Variants in PRKG1 observed in about 807,000 individuals in gnomAD.
PRKG1 encodes the protein cGMP-dependent protein kinase 1.
Under a neutral mutation model 88.1 loss-of-function variants are expected in PRKG1, and 35 were observed. That is an observed-to-expected ratio of 0.40 (90% CI 0.30 to 0.53). The LOEUF is 0.53. PRKG1 is among the 20% of genes least tolerant of loss of function. The pLI, the probability that PRKG1 is intolerant of heterozygous loss-of-function variation, is 0.59. For missense variants in PRKG1, 540 were observed against 839.8 expected (o/e 0.64, Z 4.41); for synonymous variants, 303 against 292.5 (o/e 1.04, Z -0.37).
At chr10:51,246,049 G>A (rs1839280948) in intron 2 of PRKG1, among the ~76,000 whole-genome samples, 1 of 152,024 alleles carries the variant, frequency 6.6e-6, no homozygotes, top group African/African-American at 2.4e-5. Context: ...TGTATTATTA[G>A]GCTATAGAGA....
chr10:51,084,190 AT>A (rs879299228), intron 1 of PRKG1, among the ~76,000 whole-genome samples: 1 of 152,192 alleles, frequency 6.6e-6, no homozygotes, highest in Non-Finnish European at 1.5e-5. Flanking sequence ...TTCATTATGA[AT>A]CCAGCTTCAT....
At chr10:51,112,070 A>T (rs1431952376) in intron 1 of PRKG1, among the ~76,000 whole-genome samples, 1 of 152,110 alleles carries the variant, frequency 6.6e-6, no homozygotes, top group Non-Finnish European at 1.5e-5. Flanking sequence ...GTACAGTAGT[A>T]TGTGTGTTTT....
intron 8 of PRKG1, among the ~76,000 whole-genome samples, chr10:52,137,673 G>A (rs1270560767): frequency 6.6e-6 from 1 of 151,972 alleles, no homozygotes; most frequent in Non-Finnish European, 1.5e-5. Context: ...TAAATGCTAT[G>A]TAAAAACTTG....
At chr10:51,990,372 C>T (rs577645972) in intron 5 of PRKG1, among the ~76,000 whole-genome samples, 6 of 152,092 alleles carry the variant, frequency 3.9e-5, no homozygotes, top group African/African-American at 1.4e-4. Flanking sequence ...TGAAGAATGC[C>T]ATTGATATTG....
intron 3 of PRKG1, among the ~76,000 whole-genome samples, chr10:51,733,493 T>C (rs1372037680): frequency 6.6e-6 from 1 of 152,204 alleles, no homozygotes; most frequent in Admixed American, 6.5e-5. Context: ...ATCTGAAATT[T>C]ATTATCTTAC....
intron 14 of PRKG1, among the ~76,000 whole-genome samples, chr10:52,285,923 G>A (rs1332691725): frequency 6.6e-6 from 1 of 151,966 alleles, no homozygotes; most frequent in African/African-American, 2.4e-5. Flanking sequence ...ACATAGATAT[G>A]ATTTCAGAAA....
At chr10:51,423,336 T>C (rs1380223670) in intron 2 of PRKG1, among the ~76,000 whole-genome samples, 1 of 152,234 alleles carries the variant, frequency 6.6e-6, no homozygotes, top group African/African-American at 2.4e-5. Context: ...CAATTGCGTA[T>C]TTAAAACAAC....
chr10:51,674,406 A>C (rs983286273), intron 3 of PRKG1, among the ~76,000 whole-genome samples: 7 of 152,094 alleles, frequency 4.6e-5, no homozygotes, highest in African/African-American at 1.7e-4. Flanking sequence ...AGTTTTTGAC[A>C]GGTGTTTGGC....
At chr10:51,856,763 G>A (rs140059266) in intron 4 of PRKG1, among the ~76,000 whole-genome samples, 1,912 of 151,862 alleles carry the variant, frequency 0.013, 50 homozygotes, top group African/African-American at 0.044. Flanking sequence ...CAGGAGATCG[G>A]GACCATCCTG....
intron 1 of PRKG1, among the ~76,000 whole-genome samples, chr10:51,124,231 C>T (rs1317173553): frequency 6.6e-6 from 1 of 152,100 alleles, no homozygotes. Flanking sequence ...ATTATCTTTT[C>T]TTCATTGTGT....
At chr10:52,068,649 C>G (rs1846419176) in intron 7 of PRKG1, among the ~76,000 whole-genome samples, 1 of 151,878 alleles carries the variant, frequency 6.6e-6, no homozygotes, top group Non-Finnish European at 1.5e-5. Flanking sequence ...GTCATCATCA[C>G]TACCACCATC....
chr10:51,084,091 T>C (rs928683475), intron 1 of PRKG1, among the ~76,000 whole-genome samples: 3 of 152,224 alleles, frequency 2.0e-5, no homozygotes, highest in Admixed American at 1.3e-4. Context: ...ACAGATAGTA[T>C]GTTAAAACAG....
At chr10:51,275,272 C>T (rs907677744) in intron 2 of PRKG1, among the ~76,000 whole-genome samples, 5 of 152,144 alleles carry the variant, frequency 3.3e-5, no homozygotes, top group African/African-American at 7.2e-5. Context: ...TTTTAATTGC[C>T]TATGCAGTTT....
chr10:51,894,290 T>C (rs1841789467), intron 4 of PRKG1, among the ~76,000 whole-genome samples: 1 of 152,174 alleles, frequency 6.6e-6, no homozygotes, highest in Non-Finnish European at 1.5e-5. Flanking sequence ...GAAGACATTA[T>C]ACTGGATGAA....
intron 2 of PRKG1, among the ~76,000 whole-genome samples, chr10:51,253,459 A>G (rs1164197724): frequency 6.6e-6 from 1 of 151,854 alleles, no homozygotes; most frequent in East Asian, 1.9e-4. Context: ...CCCCCAATAG[A>G]CATCCCCTTC....
intron 3 of PRKG1, among the ~76,000 whole-genome samples, chr10:51,479,621 C>G (rs1319123667): frequency 2.0e-5 from 3 of 151,920 alleles, no homozygotes; most frequent in African/African-American, 7.3e-5. Context: ...TTCTTTTCCA[C>G]TCTCGATGTG....
chr10:52,271,269 A>G (rs1841723936), intron 10 of PRKG1, 81 bp from the exon 11 acceptor site: 1 of 1,455,710 alleles, frequency 6.9e-7, no homozygotes, highest in African/African-American at 1.4e-5. Context: ...TAAGTGCGCC[A>G]TGTACCTGTT....
At chr10:52,277,647 G>T (rs1225411192) in intron 12 of PRKG1, among the ~76,000 whole-genome samples, 1 of 152,086 alleles carries the variant, frequency 6.6e-6, no homozygotes, top group African/African-American at 2.4e-5. Context: ...ATGGAGTCTG[G>T]AGTTGAGCCC....
chr10:52,115,154 T>C (rs891141393), intron 7 of PRKG1, among the ~76,000 whole-genome samples: 2 of 152,118 alleles, frequency 1.3e-5, no homozygotes, highest in African/African-American at 4.8e-5. Flanking sequence ...TTTCTAGCAA[T>C]TCACTTTAGT....
Sources: allele counts gnomAD v4.1 joint callset (sites outside exome capture counted in the v4.1 genomes callset), GRCh38; gene constraint gnomAD v4.1.1; transcripts MANE v1.5; gene names NCBI Gene and HGNC (gene_info 2026-07-23, HGNC 2026-07-21).